The following PSMD1 variants were observed in gnomAD, a reference collection of about 807,000 sequenced individuals.
The protein encoded by PSMD1 is 26S proteasome non-ATPase regulatory subunit 1.
PSMD1 carries 18 observed loss-of-function variants against 119.0 expected under a neutral mutation model. The observed-to-expected ratio is 0.15, with a 90% confidence interval of 0.10 to 0.22. The LOEUF (loss-of-function observed/expected upper bound fraction) is 0.22, where lower values mean the gene tolerates loss of function less well. Ranked by LOEUF, PSMD1 falls within the 10% of genes least tolerant of loss-of-function variation. PSMD1 has a pLI of 1.00. For synonymous variants in PSMD1, 374 were observed against 396.6 expected (o/e 0.94, Z 0.68); for missense variants, 702 against 1,158.5 (o/e 0.61, Z 5.72).
Position 231,061,300 on chromosome 2 carries a change from C to G in PSMD1, c.50C>G (p.Pro17Arg). 1 of 1,596,246 alleles carries G rather than the reference C, an allele frequency of 6.3e-7. No individual in the cohort carries two copies. The highest frequency in any genetic ancestry group is 8.6e-7 in the Non-Finnish European group (1 of 1,165,728). Reference protein sequence around the residue: ...GIISLLDEDEPQLKEFALHKL... With the variant: ...GIISLLDEDERQLKEFALHKL... ...ATTTCTCTTCTGGATGAAGATGAACCACAGCTTAAGGTATGAATTGAAGAA... is the reference window on the plus strand; with the variant it reads ...ATTTCTCTTCTGGATGAAGATGAACGACAGCTTAAGGTATGAATTGAAGAA... The change falls in exon 2 of 25, where the codon CCA becomes CGA. Residue 17 changes from proline (P) to arginine (R), a missense_variant. Physicochemically the swap from Pro to Arg is moderately radical, Grantham distance 103. Around this residue, in one of 9 missense-constraint regions of PSMD1, gnomAD observed 60 missense variants for 118.2 expected, o/e 0.51. Coordinates refer to ENST00000308696, the MANE Select transcript of PSMD1 (RefSeq NM_002807.4).
chr2:231,158,090 C>T (rs1010862893), intron 19 of PSMD1, among the ~76,000 whole-genome samples: 13 of 152,034 alleles, frequency 8.6e-5, no homozygotes, highest in African/African-American at 3.1e-4. Flanking sequence ...GTGGGTGGAT[C>T]ATTTGAGGTC....
intron 22 of PSMD1, 108 bp downstream of exon 22, chr2:231,165,394 A>G: frequency 7.9e-7 from 1 of 1,269,578 alleles, no homozygotes. Context: ...CTTCCTTCAA[A>G]CAATTATCCT....
chr2:231,135,816 T>C (rs2125245247), intron 16 of PSMD1, among the ~76,000 whole-genome samples: 1 of 152,322 alleles, frequency 6.6e-6, no homozygotes, highest in Middle Eastern at 3.4e-3. Context: ...TAGTGACAAT[T>C]AGTATTATTT....
At chr2:231,131,534 G>T (rs559011787) in intron 16 of PSMD1, among the ~76,000 whole-genome samples, 1 of 46,624 alleles carries the variant, frequency 2.1e-5, no homozygotes, top group Non-Finnish European at 3.2e-5. Flanking sequence ...AGGCCGAGGC[G>T]GGCGGATCAC....
chr2:231,085,175 A>G (rs1390269611), intron 15 of PSMD1, 61 bp downstream of exon 15: 14 of 1,383,532 alleles, frequency 1.0e-5, no homozygotes, highest in Middle Eastern at 3.5e-4. Flanking sequence ...ATGGACAATA[A>G]GTGTCTAGGT....
At position 231,056,920 on chromosome 2, in the gene PSMD1, AC is replaced by A; in HGVS notation, c.-103del. 7.1e-7 allele frequency: 1 copy of A among 1,403,298 alleles called. No individual in the cohort carries two copies. Among genetic ancestry groups the A allele is most frequent in the Non-Finnish European group, 9.7e-7 (1 of 1,028,426 alleles). 86.9% of individuals were successfully genotyped at this position (1,403,298 alleles called of 1,614,324 possible). A position where few individuals can be genotyped will look rare whatever the true frequency, so the allele number is the denominator to read the frequency against. ...GAGGAGGCGACTGACTGAGCAGCGC[AC>A]CCGGGGAGCAAGGAGGCGCGGTGAA... On this transcript the variant is annotated 5_prime_UTR_variant, in exon 1 of 25. Transcript: ENST00000308696.
intron 16 of PSMD1, among the ~76,000 whole-genome samples, chr2:231,096,509 A>G (rs945487937): frequency 1.3e-5 from 2 of 152,136 alleles, no homozygotes; most frequent in African/African-American, 2.4e-5. Context: ...ATTTCTCCCA[A>G]CTGGTTTCCA....
At chr2:231,121,541 A>C (rs547314331) in intron 16 of PSMD1, among the ~76,000 whole-genome samples, 38 of 152,304 alleles carry the variant, frequency 2.5e-4, no homozygotes, top group Admixed American at 1.1e-3. Flanking sequence ...GGGTACCAGC[A>C]TTTTAAATAT....
intron 16 of PSMD1, chr2:231,109,148 TC>T: frequency 1.2e-6 from 2 of 1,614,188 alleles, no homozygotes; most frequent in South Asian, 2.2e-5. Flanking sequence ...GCAAGGTGTT[TC>T]ATCCCTTTGG....
At chr2:231,085,232 G>A (rs2303357) in intron 15 of PSMD1, 118 bp downstream of exon 15, 315,080 of 805,312 alleles carry the variant, frequency 0.39, 67,785 homozygotes, top group African/African-American at 0.7. Context: ...GTCTTAGGTT[G>A]TGATTCTCAT....
chr2:231,106,348 G>T (rs558606399), intron 16 of PSMD1, among the ~76,000 whole-genome samples: 1 of 152,278 alleles, frequency 6.6e-6, no homozygotes, highest in African/African-American at 2.4e-5. Context: ...GCTAGACATG[G>T]TGACTCACAC....
intron 4 of PSMD1, among the ~76,000 whole-genome samples, chr2:231,063,905 TCTC>T (rs575979225): frequency 1.2e-3 from 179 of 152,172 alleles, no homozygotes; most frequent in African/African-American, 4.1e-3. Flanking sequence ...CTCAAGCAGT[TCTC>T]CTGCTTTGGC....
intron 17 of PSMD1, among the ~76,000 whole-genome samples, chr2:231,141,420 AC>A (rs1359120663): frequency 4.4e-3 from 625 of 140,792 alleles, no homozygotes; most frequent in African/African-American, 0.015. Flanking sequence ...ACCCTGCTAT[AC>A]TTTTTTTTTT....
chr2:231,126,881 C>A (rs1695734504), intron 16 of PSMD1, among the ~76,000 whole-genome samples: 2 of 151,764 alleles, frequency 1.3e-5, no homozygotes, highest in Admixed American at 1.3e-4. Flanking sequence ...AAGAAAAAAG[C>A]AAAATAATAA....
At chr2:231,080,767 A>AGG (rs1422194176) in intron 12 of PSMD1, among the ~76,000 whole-genome samples, 3 of 152,222 alleles carry the variant, frequency 2.0e-5, no homozygotes, top group African/African-American at 7.2e-5. Flanking sequence ...GTAATTTTAC[A>AGG]CTAACTTCTA....
chr2:231,062,372 G>A (rs1693781288), intron 3 of PSMD1, 51 bp downstream of exon 3: 1 of 1,517,398 alleles, frequency 6.6e-7, no homozygotes, highest in South Asian at 1.1e-5. Context: ...ATTTAATTGT[G>A]AATGTGGGTC....
intron 5 of PSMD1, among the ~76,000 whole-genome samples, chr2:231,067,736 A>G (rs1368829956): frequency 6.6e-6 from 1 of 152,000 alleles, no homozygotes; most frequent in Non-Finnish European, 1.5e-5. Context: ...GGCTCACTGA[A>G]ACCTCTGCCT....
At chr2:231,062,106 T>G in intron 2 of PSMD1, 142 bp from the exon 3 acceptor site, 1 of 577,026 alleles carries the variant, frequency 1.7e-6, no homozygotes, top group South Asian at 2.7e-5. Context: ...AAGTGTAAGT[T>G]GGTAAATTTT....
intron 16 of PSMD1, chr2:231,109,228 C>T (rs757704130): frequency 1.3e-5 from 21 of 1,614,036 alleles, no homozygotes; most frequent in Non-Finnish European, 1.8e-5. Flanking sequence ...AAGCCTTCTT[C>T]TGTAAAGCAT....
Sources: allele counts gnomAD v4.1 joint callset (sites outside exome capture counted in the v4.1 genomes callset), GRCh38; gene constraint gnomAD v4.1.1; regional missense constraint gnomAD v4.1.1; transcripts MANE v1.5; gene names NCBI Gene and HGNC (gene_info 2026-07-23, HGNC 2026-07-21).